The following SMYD4 variants were observed in gnomAD, a reference collection of about 807,000 sequenced individuals.
The protein encoded by SMYD4 is SET and MYND domain containing 4, also known as protein-lysine N-methyltransferase SMYD4.
Under a neutral mutation model 72.8 loss-of-function variants are expected in SMYD4, and 68 were observed. That is an observed-to-expected ratio of 0.93 (90% CI 0.77 to 1.14). SMYD4 has a LOEUF of 1.14. Among genes scored for constraint, SMYD4 ranks in the 50% most tolerant of loss-of-function variants. The probability of loss-of-function intolerance (pLI) is 0.00; values close to 1 mark genes in which losing one functional copy is unlikely to be tolerated. For synonymous variants in SMYD4, 407 were observed against 388.6 expected (o/e 1.05, Z -0.56); for missense variants, 984 against 1,003.7 (o/e 0.98, Z 0.27).
At chr17:1,804,382 G>C (rs980968820) in intron 4 of SMYD4, 1 of 371,778 alleles carries the variant, frequency 2.7e-6, no homozygotes, top group Non-Finnish European at 5.2e-6. Context: ...CCACTGTGTC[G>C]GCCACGCTGG....
chr17:1,829,128 T>G (rs1314664560), intron 1 of SMYD4, among the ~76,000 whole-genome samples: 1 of 152,172 alleles, frequency 6.6e-6, no homozygotes, highest in East Asian at 1.9e-4. Context: ...GTCAGTGCTC[T>G]GCCCTTAAAT....
intron 4 of SMYD4, among the ~76,000 whole-genome samples, chr17:1,803,930 C>T (rs1236841157): frequency 1.3e-5 from 2 of 150,262 alleles, no homozygotes; most frequent in South Asian, 2.1e-4. Context: ...GGCTGGAGTG[C>T]AGTGGTGCGA....
chr17:1,821,866 G>A (rs1413235534), intron 2 of SMYD4, among the ~76,000 whole-genome samples: 1 of 151,930 alleles, frequency 6.6e-6, no homozygotes, highest in Non-Finnish European at 1.5e-5. Context: ...GGGAGGCAGA[G>A]GTTGCAGTGA....
chr17:1,793,136 C>G (rs1909153561), intron 5 of SMYD4, among the ~76,000 whole-genome samples: 2 of 152,006 alleles, frequency 1.3e-5, no homozygotes, highest in South Asian at 2.1e-4. Context: ...CGGGTGGTCT[C>G]TAACTCGTGG....
chr17:1,805,137 CTGGGTGCAG>C (rs1909968698), intron 3 of SMYD4, among the ~76,000 whole-genome samples: 1 of 152,132 alleles, frequency 6.6e-6, no homozygotes, highest in African/African-American at 2.4e-5. Flanking sequence ...GGATACTAGG[CTGGGTGCAG>C]TGGCTCACGT....
chr17:1,821,461 C>A (rs1273094144), intron 2 of SMYD4, among the ~76,000 whole-genome samples: 1 of 152,048 alleles, frequency 6.6e-6, no homozygotes, highest in African/African-American at 2.4e-5. Context: ...CTGCTGTGAG[C>A]CAAGACGGCA....
chr17:1,799,370 A>G (rs1456797081), intron 5 of SMYD4, among the ~76,000 whole-genome samples: 1 of 151,902 alleles, frequency 6.6e-6, no homozygotes, highest in Non-Finnish European at 1.5e-5. Flanking sequence ...ACGGAATCAA[A>G]TAATTTTTTT....
chr17:1,797,637 T>C (rs1453244299), intron 5 of SMYD4, among the ~76,000 whole-genome samples: 2 of 152,200 alleles, frequency 1.3e-5, no homozygotes, highest in African/African-American at 4.8e-5. Context: ...TGCGCTGGGC[T>C]GGAAATTTAG....
chr17:1,797,314 C>T (rs1427381463), intron 5 of SMYD4, among the ~76,000 whole-genome samples: 1 of 152,134 alleles, frequency 6.6e-6, no homozygotes. Context: ...GTATAATGAA[C>T]GGATTGAGTC....
At chr17:1,811,284 G>A (rs991511467) in intron 3 of SMYD4, among the ~76,000 whole-genome samples, 1 of 152,154 alleles carries the variant, frequency 6.6e-6, no homozygotes, top group African/African-American at 2.4e-5. Flanking sequence ...CCTGCGAGGG[G>A]AACAAGGGAA....
At chr17:1,787,312 G>T in intron 6 of SMYD4, 110 bp downstream of exon 6, 1 of 1,386,442 alleles carries the variant, frequency 7.2e-7, no homozygotes, top group Non-Finnish European at 9.9e-7. Flanking sequence ...GCCTCTTCCA[G>T]GAAGCAGACA....
intron 4 of SMYD4, among the ~76,000 whole-genome samples, chr17:1,801,962 C>T (rs1283419955): frequency 1.3e-5 from 2 of 150,934 alleles, no homozygotes; most frequent in Non-Finnish European, 1.5e-5. Context: ...GGTGACAGAG[C>T]GACACTCTGT....
At chr17:1,786,153 A>C (rs1197070121) in intron 7 of SMYD4, among the ~76,000 whole-genome samples, 1 of 152,202 alleles carries the variant, frequency 6.6e-6, no homozygotes, top group African/African-American at 2.4e-5. Context: ...TTCTCAGGTC[A>C]ATGAAACACA....
intron 2 of SMYD4, among the ~76,000 whole-genome samples, chr17:1,818,409 G>C (rs1385025024): frequency 6.6e-6 from 1 of 152,124 alleles, no homozygotes; most frequent in Non-Finnish European, 1.5e-5. Flanking sequence ...CATCATGGAT[G>C]TTCACCTCTA....
At chr17:1,817,331 C>T (rs1390856968) in intron 2 of SMYD4, among the ~76,000 whole-genome samples, 1 of 151,870 alleles carries the variant, frequency 6.6e-6, no homozygotes, top group Non-Finnish European at 1.5e-5. Flanking sequence ...AGCCACCGCG[C>T]CTGGCCTAAA....
intron 3 of SMYD4, among the ~76,000 whole-genome samples, chr17:1,807,347 CAG>C (rs1910089295): frequency 6.7e-6 from 1 of 149,742 alleles, no homozygotes; most frequent in Non-Finnish European, 1.5e-5. Context: ...TTTTTTGAGA[CAG>C]AGTTTCGCTC....
intron 2 of SMYD4, among the ~76,000 whole-genome samples, chr17:1,826,926 G>T (rs372370082): frequency 6.6e-6 from 1 of 152,042 alleles, no homozygotes; most frequent in African/African-American, 2.4e-5. Context: ...TGAGGCGGGC[G>T]GATCATTTGA....
Position 1,808,618 on chromosome 17 carries a change from T to C in SMYD4, c.279+3353A>G, listed in dbSNP as rs554207140. ...CTTTCTAGAAAATTGCAGAGTACCA[T>C]AATCACCAACATACTGGCTTCATGA... On this transcript the variant is annotated intron_variant, in intron 3 of 10. Coordinates refer to ENST00000305513, the MANE Select transcript of SMYD4 (RefSeq NM_052928.3). Among the ~76,000 whole-genome samples the C allele has an allele frequency of 4.6e-5, 7 of 152,294 alleles. No individual in the cohort carries two copies. The South Asian group carries it at 1.0e-3, about 23-fold the overall frequency.
chr17:1,800,632 G>C lies in SMYD4; in HGVS notation c.762C>G (p.Leu254=). The C allele has an allele frequency of 6.2e-7, 1 of 1,614,174 alleles. No homozygotes were observed. The highest frequency in any genetic ancestry group is 8.5e-7 in the Non-Finnish European group (1 of 1,180,034). ...GRCLVATKDI[L]PGELLVQEDA... ...CCTCCTGCACCAGGAGCTCTCCTGG[G>C]AGAATATCTTTTGTGGCAACGAGAC... is the stretch of plus-strand genomic sequence containing the variant. The change falls in exon 5 of 11, where the codon CTC becomes CTG. Residue 254 remains leucine, a synonymous_variant. Coordinates refer to ENST00000305513, the MANE Select transcript of SMYD4 (RefSeq NM_052928.3).
Sources: allele counts gnomAD v4.1 joint callset (sites outside exome capture counted in the v4.1 genomes callset), GRCh38; gene constraint gnomAD v4.1.1; transcripts MANE v1.5; gene names NCBI Gene and HGNC (gene_info 2026-07-23, HGNC 2026-07-21).